Variants in UNC13B observed in about 807,000 individuals in gnomAD.
UNC13B encodes the protein unc-13 homolog B.
A neutral mutation model predicts 211.0 loss-of-function variants in UNC13B; 144 were observed. The observed-to-expected ratio is 0.68, with a 90% CI of 0.60 to 0.78. UNC13B has a LOEUF of 0.78. UNC13B is among the 30% of genes least tolerant of loss of function. The pLI is 0.00. For synonymous variants in UNC13B, 709 were observed against 725.8 expected (o/e 0.98, Z 0.37); for missense variants, 1,777 against 2,002.0 (o/e 0.89, Z 2.14).
chr9:35,338,000 T>C (rs970725758), intron 11 of UNC13B, among the ~76,000 whole-genome samples: 3 of 152,172 alleles, frequency 2.0e-5, no homozygotes, highest in East Asian at 1.9e-4. Context: ...GGTATAGAGA[T>C]TGAGGCAGGG....
intron 1 of UNC13B, among the ~76,000 whole-genome samples, chr9:35,170,366 A>G (rs1328614713): frequency 7.7e-3 from 1,161 of 149,926 alleles, no homozygotes; most frequent in African/African-American, 0.028. Flanking sequence ...GGGTTTCACC[A>G]TGTTGGCCAG....
chr9:35,340,700 A>T (rs960171250), intron 11 of UNC13B, among the ~76,000 whole-genome samples: 1 of 152,156 alleles, frequency 6.6e-6, no homozygotes, highest in African/African-American at 2.4e-5. Context: ...TTCTCTTAAG[A>T]TCAAGCTCAG....
Position 35,303,234 on chromosome 9 carries a change from A to G in UNC13B, c.3830A>G (p.Asn1277Ser), listed in dbSNP as rs1050863448. 8 of 398,510 alleles carry G rather than the reference A, an allele frequency of 2.0e-5. No individual in the cohort carries two copies. The highest frequency in any genetic ancestry group is 3.5e-5 in the Non-Finnish European group (8 of 225,828). 24.7% of individuals were successfully genotyped at this position (398,510 alleles called of 1,614,324 possible). A position where few individuals can be genotyped will look rare whatever the true frequency, so the allele number is the denominator to read the frequency against. Reference sequence around the variant, plus strand: ...CATTATTGTTCCCCTACAGAGAAAAACCAGCAAAGTGAAAAGCATCACCCC... The same window carrying G: ...CATTATTGTTCCCCTACAGAGAAAAGCCAGCAAAGTGAAAAGCATCACCCC... ...DNHYCSPTEK[N>S]QQSEKHHPSS... The change falls in exon 9 of 40, where the codon AAC becomes AGC. Residue 1277 changes from asparagine (N) to serine (S), a missense_variant. Asn to Ser is a conservative substitution (Grantham distance 46, BLOSUM62 1). Transcript: ENST00000635942.
At chr9:35,377,749 C>A in intron 16 of UNC13B, 54 bp downstream of exon 16, 1 of 1,562,262 alleles carries the variant, frequency 6.4e-7, no homozygotes, top group Non-Finnish European at 8.7e-7. Flanking sequence ...GGGGAGGAGA[C>A]TGGGGAAGAA....
intron 7 of UNC13B, among the ~76,000 whole-genome samples, chr9:35,262,932 C>CA (rs988380831): frequency 6.6e-6 from 1 of 151,012 alleles, no homozygotes; most frequent in Non-Finnish European, 1.5e-5. Flanking sequence ...GACCCTGTCT[C>CA]AAAAAAAACC....
At chr9:35,244,697 T>C (rs1285624545) in intron 6 of UNC13B, among the ~76,000 whole-genome samples, 2 of 152,218 alleles carry the variant, frequency 1.3e-5, no homozygotes, top group African/African-American at 4.8e-5. Flanking sequence ...TGTGTCTGTG[T>C]CTAAATTTCC....
At chr9:35,175,488 A>T (rs1258675596) in intron 1 of UNC13B, among the ~76,000 whole-genome samples, 1 of 152,192 alleles carries the variant, frequency 6.6e-6, no homozygotes, top group Non-Finnish European at 1.5e-5. Context: ...TCTGTAGCCT[A>T]GAGTACAGCG....
chr9:35,193,657 CA>C (rs748105027), intron 1 of UNC13B, among the ~76,000 whole-genome samples: 9,933 of 56,248 alleles, frequency 0.18, 422 homozygotes, highest in East Asian at 0.37. Context: ...GACTCCGTCT[CA>C]AAAAAAAAAA....
intron 5 of UNC13B, among the ~76,000 whole-genome samples, 183 bp downstream of exon 5, chr9:35,238,009 T>A (rs1470536855): frequency 1.3e-5 from 2 of 151,856 alleles, no homozygotes; most frequent in Non-Finnish European, 2.9e-5. Context: ...TATAGAATAG[T>A]GCTCATTAAA....
chr9:35,329,736 C>A (rs971380224), intron 11 of UNC13B, among the ~76,000 whole-genome samples: 1 of 151,962 alleles, frequency 6.6e-6, no homozygotes, highest in Non-Finnish European at 1.5e-5. Context: ...CAATCTGCCC[C>A]CCTTGGCCTC....
intron 1 of UNC13B, among the ~76,000 whole-genome samples, chr9:35,164,282 G>A (rs756227028): frequency 6.6e-6 from 1 of 152,244 alleles, no homozygotes; most frequent in Non-Finnish European, 1.5e-5. Context: ...CTTCCAAAGT[G>A]CTGGGATTAG....
intron 11 of UNC13B, among the ~76,000 whole-genome samples, chr9:35,357,408 A>G (rs949496415): frequency 6.6e-6 from 1 of 151,874 alleles, no homozygotes; most frequent in Non-Finnish European, 1.5e-5. Flanking sequence ...GCCTTGGACC[A>G]CTTTTAAATT....
intron 11 of UNC13B, among the ~76,000 whole-genome samples, chr9:35,331,260 G>GT (rs1350001402): frequency 6.6e-6 from 1 of 152,070 alleles, no homozygotes; most frequent in African/African-American, 2.4e-5. Flanking sequence ...GTTTTCTTTT[G>GT]TTTTTTGAGA....
chr9:35,176,409 G>A (rs549818596), intron 1 of UNC13B, among the ~76,000 whole-genome samples: 68 of 152,136 alleles, frequency 4.5e-4, no homozygotes, highest in African/African-American at 1.3e-3. Flanking sequence ...TTAGCTGGGC[G>A]TGGTGGCAGG....
In UNC13B at chr9:35,376,147, C is replaced by T; in HGVS notation, c.9735C>T (p.Gly3245=). 1.2e-6 allele frequency: 2 copies of T among 1,614,254 alleles called. No homozygotes were observed. The highest frequency in any genetic ancestry group is 1.7e-6 in the Non-Finnish European group (2 of 1,180,046). Reference sequence around the variant, plus strand: ...CAACCTACTGCTATGAGTGTGAAGGCCTGCTCTGGGGCATTGCCCGGCAGG... The same window carrying T: ...CAACCTACTGCTATGAGTGTGAAGGTCTGCTCTGGGGCATTGCCCGGCAGG... ...TTPTYCYECE[G]LLWGIARQGM... Residue 3245 remains glycine (G), a synonymous_variant, in exon 15 of 40, where the codon GGC becomes GGT. Coordinates refer to ENST00000635942, the MANE Select transcript of UNC13B (RefSeq NM_001371189.2).
At chr9:35,329,465 G>A (rs1488966001) in intron 11 of UNC13B, among the ~76,000 whole-genome samples, 2 of 151,758 alleles carry the variant, frequency 1.3e-5, no homozygotes, top group East Asian at 3.9e-4. Context: ...TCTTGATCTT[G>A]GATTTCTAAT....
chr9:35,403,493 G>A lies in UNC13B; in HGVS notation c.12631G>A (p.Val4211Met), dbSNP rs766636195. The A allele has an allele frequency of 1.7e-5, 27 of 1,614,004 alleles. No homozygotes were observed. Among genetic ancestry groups the A allele is most frequent in the East Asian group, 4.5e-5 (2 of 44,898 alleles). Residue 4211 changes from valine (V) to methionine (M), a missense_variant, in exon 39 of 40, where the codon GTG (valine) becomes ATG (methionine). Physicochemically the swap from Val to Met is conservative, Grantham distance 21. Coordinates refer to ENST00000635942, the MANE Select transcript of UNC13B (RefSeq NM_001371189.2). ...WQTAGMFRPF[V>M]EVTMVGPHQS... ...GACAGCGGGTATGTTCCGGCCTTTCGTGGAGGTGACTATGGTTGGCCCACA... is the reference window on the plus strand; with the variant it reads ...GACAGCGGGTATGTTCCGGCCTTTCATGGAGGTGACTATGGTTGGCCCACA...
intron 1 of UNC13B, among the ~76,000 whole-genome samples, chr9:35,183,508 G>A (rs556264956): frequency 2.3e-5 from 3 of 129,040 alleles, no homozygotes; most frequent in African/African-American, 3.0e-5. Context: ...CAGACGGGGC[G>A]GCCGGGCAGA....
At chr9:35,283,069 A>C (rs999106489) in intron 7 of UNC13B, among the ~76,000 whole-genome samples, 1 of 152,218 alleles carries the variant, frequency 6.6e-6, no homozygotes, top group Admixed American at 6.5e-5. Flanking sequence ...CTGCTAAAAC[A>C]CAATACTATA....
Sources: gnomAD v4.1 joint callset for allele counts (sites outside exome capture counted in the v4.1 genomes callset) on GRCh38, gnomAD v4.1.1 for gene constraint, MANE v1.5 for transcripts, NCBI Gene and HGNC (gene_info 2026-07-23, HGNC 2026-07-21) for gene names.